The following GLS variants were observed in gnomAD, a reference collection of about 807,000 sequenced individuals.
GLS encodes the protein glutaminase kidney isoform, mitochondrial.
GLS carries 36 observed loss-of-function variants against 86.7 expected under a neutral mutation model. That is an observed-to-expected ratio of 0.42 (90% CI 0.32 to 0.55). The LOEUF is 0.55. GLS is among the 20% of genes least tolerant of loss of function. The probability of loss-of-function intolerance (pLI) is 0.17; values close to 1 mark genes in which losing one functional copy is unlikely to be tolerated. For synonymous variants in GLS, 317 were observed against 305.9 expected (o/e 1.04, Z -0.38); for missense variants, 528 against 833.4 (o/e 0.63, Z 4.51).
Position 190,954,637 on chromosome 2 carries a change from C to A in GLS, c.1766C>A (p.Ala589Glu). 1.2e-6 allele frequency: 2 copies of A among 1,612,452 alleles called. No individual in the cohort carries two copies. The highest frequency in any genetic ancestry group is 1.7e-6 in the Non-Finnish European group (2 of 1,178,514). Residue 589 changes from alanine (A) to glutamate (E), a missense_variant, in exon 16 of 18, where the codon GCA becomes GAA. Physicochemically the swap from Ala to Glu is moderately radical, Grantham distance 107 (BLOSUM62 -1). Transcript: ENST00000320717. The surrounding 1 kb of genome is among the most constrained non-coding windows in gnomAD (Gnocchi z 4.0). ...MEQRDYDSRTALHVAAAEGHV... is the reference protein window; with the variant it reads ...MEQRDYDSRTELHVAAAEGHV... ...CAGCGGGACTATGATTCTAGAACAG[C>A]ACTCCATGTAGCTGCTGCAGAGGGT...
At chr2:190,906,168 G>A (rs12998878) in intron 6 of GLS, among the ~76,000 whole-genome samples, 74,066 of 151,422 alleles carry the variant, frequency 0.49, 20,190 homozygotes, top group Non-Finnish European at 0.62. Flanking sequence ...GACATCATAT[G>A]CAGAAGCACT....
At chr2:190,904,140 G>A (rs1689048637) in intron 5 of GLS, among the ~76,000 whole-genome samples, 1 of 151,838 alleles carries the variant, frequency 6.6e-6, no homozygotes, top group Non-Finnish European at 1.5e-5. Context: ...TATAAAACTG[G>A]ATGCTTTTTT....
chr2:190,928,640 T>C (rs1301121439), intron 12 of GLS, among the ~76,000 whole-genome samples: 2 of 151,680 alleles, frequency 1.3e-5, no homozygotes, highest in African/African-American at 2.4e-5. Flanking sequence ...TGGCCTATTA[T>C]ATTATTTTAT....
intron 1 of GLS, among the ~76,000 whole-genome samples, chr2:190,889,301 C>A (rs140953182): frequency 6.6e-6 from 1 of 152,282 alleles, no homozygotes; most frequent in Admixed American, 6.5e-5. Context: ...TATAAGAGAT[C>A]TTACAAACCC....
At chr2:190,940,721 G>A (rs1690400413) in intron 14 of GLS, among the ~76,000 whole-genome samples, 1 of 146,938 alleles carries the variant, frequency 6.8e-6, no homozygotes, top group Non-Finnish European at 1.5e-5. Context: ...TTCAATCCCT[G>A]TTTTACTTAG....
intron 14 of GLS, among the ~76,000 whole-genome samples, chr2:190,945,515 A>G (rs1690555247): frequency 6.6e-6 from 1 of 151,926 alleles, no homozygotes; most frequent in South Asian, 2.1e-4. Context: ...TAACAAAGAA[A>G]TCATCCAGGT....
At chr2:190,884,261 T>A (rs1486791239) in intron 1 of GLS, among the ~76,000 whole-genome samples, 3 of 152,236 alleles carry the variant, frequency 2.0e-5, no homozygotes, top group Non-Finnish European at 4.4e-5. Flanking sequence ...TTGACTCTCA[T>A]CTTTGTGTAG....
intron 5 of GLS, among the ~76,000 whole-genome samples, chr2:190,903,412 A>T (rs1011431311): frequency 6.6e-6 from 1 of 152,184 alleles, no homozygotes; most frequent in Non-Finnish European, 1.5e-5. Context: ...AGTAAAATGT[A>T]CTGAGCAGTC....
intron 14 of GLS, among the ~76,000 whole-genome samples, chr2:190,945,688 T>G (rs529894890): frequency 6.6e-6 from 1 of 151,556 alleles, no homozygotes; most frequent in African/African-American, 2.4e-5. Flanking sequence ...AAAAAAAAAT[T>G]GAAAATTGTA....
At chr2:190,932,028 C>T (rs1045460477) in intron 14 of GLS, among the ~76,000 whole-genome samples, 1 of 151,858 alleles carries the variant, frequency 6.6e-6, no homozygotes, top group African/African-American at 2.4e-5. Flanking sequence ...AATATTTGTT[C>T]GTCCTAAATT....
At chr2:190,931,972 A>G (rs986120882) in intron 14 of GLS, among the ~76,000 whole-genome samples, 2 of 152,044 alleles carry the variant, frequency 1.3e-5, no homozygotes, top group African/African-American at 2.4e-5. Context: ...AAAGAACAAA[A>G]CAAAACATTG....
intron 1 of GLS, among the ~76,000 whole-genome samples, chr2:190,884,513 G>T (rs1403613631): frequency 6.6e-6 from 1 of 152,206 alleles, no homozygotes; most frequent in East Asian, 1.9e-4. Context: ...GTTTATGCCA[G>T]CACTTGCCCA....
At position 190,924,381 on chromosome 2, in the gene GLS, A is replaced by T. The variant is rs1273792968; in HGVS notation, c.1198-162A>T. 6.6e-6 allele frequency among the ~76,000 whole-genome samples: 1 copy of T among 152,108 alleles called. No homozygotes were observed. Among genetic ancestry groups the T allele is most frequent in the Non-Finnish European group, 1.5e-5 (1 of 68,028 alleles). The stretch of plus-strand genomic sequence containing the variant: ...TCTAGAAACTTACATGATGTGATAA[A>T]ATTTTGCTTTTTTATTTCATGTTTA... On this transcript the variant is annotated intron_variant, in intron 10 of 17. Coordinates refer to ENST00000320717, the MANE Select transcript of GLS (RefSeq NM_014905.5). The surrounding 1 kb of genome is among the most constrained non-coding windows in gnomAD (Gnocchi z 5.2).
In GLS at chr2:190,935,939, T is replaced by G. The variant is rs1411223820; in HGVS notation, c.1650+4302T>G. ...GTATTGTAGGTCAAATATAGTACTTTACATTTTTATGTTTAATTAAATCTG... is the reference window on the plus strand; with the variant it reads ...GTATTGTAGGTCAAATATAGTACTTGACATTTTTATGTTTAATTAAATCTG... On this transcript the variant is annotated intron_variant, in intron 14 of 17. Transcript: ENST00000320717. The surrounding 1 kb of genome is among the most constrained non-coding windows in gnomAD (Gnocchi z 4.2). 6.6e-6 allele frequency among the ~76,000 whole-genome samples: 1 copy of G among 151,234 alleles called. No homozygotes were observed. The highest frequency in any genetic ancestry group is 2.4e-5 in the African/African-American group (1 of 41,406).
intron 1 of GLS, among the ~76,000 whole-genome samples, chr2:190,889,784 C>G (rs1051055009): frequency 5.9e-5 from 9 of 152,084 alleles, no homozygotes; most frequent in African/African-American, 2.2e-4. Context: ...CTGACCATTT[C>G]CTCACATAAA....
At chr2:190,901,411 TGAA>T (rs1230200154) in intron 4 of GLS, among the ~76,000 whole-genome samples, 1 of 151,954 alleles carries the variant, frequency 6.6e-6, no homozygotes, top group Non-Finnish European at 1.5e-5. Context: ...ATGTTTAGAC[TGAA>T]GAAGAAGAGG....
In GLS at chr2:190,880,897, G is replaced by GCAC; in HGVS notation, c.-186_-185insCCA. 2.9e-6 allele frequency: 2 copies of GCAC among 690,886 alleles called. No individual in the cohort carries two copies. The highest frequency in any genetic ancestry group is 3.1e-5 in the South Asian group (2 of 65,340). 42.8% of individuals were successfully genotyped at this position (690,886 alleles called of 1,614,324 possible). ...CGCAGCAGCAGCAGCAGCAGCAGCA[G>GCAC]CAGCAGCAGCAGCAGCAGCAGCACC... is the stretch of plus-strand genomic sequence containing the variant. On this transcript the variant is annotated 5_prime_UTR_variant, in exon 1 of 18. Coordinates refer to ENST00000320717, the MANE Select transcript of GLS (RefSeq NM_014905.5).
rs3771311 is a variant in GLS, at chr2:190,905,887, T to G, written c.979+720T>G. ...CTGATTGATGAGTTAAGATATAGAA[T>G]TGAAGAAAGTGAGAGCGAAGTTTGT... On this transcript the variant is annotated intron_variant, in intron 6 of 17. Transcript: ENST00000320717. This position sits in a 1 kb window ranked among gnomAD's most constrained non-coding sequence, Gnocchi z 4.6. Among the ~76,000 whole-genome samples, 20,729 of 152,038 alleles carry G rather than the reference T, an allele frequency of 0.14. 1,907 individuals carry two copies. The highest frequency in any genetic ancestry group is 0.3 in the Admixed American group (4,632 of 15,264).
chr2:190,950,370 A>G lies in GLS; in HGVS notation c.1651-3195A>G, dbSNP rs766939899. Among the ~76,000 whole-genome samples, 24 of 152,174 alleles carry G rather than the reference A, an allele frequency of 1.6e-4. 1 individual carries two copies. The highest frequency in any genetic ancestry group is 8.8e-5 in the Non-Finnish European group (6 of 68,026). On this transcript the variant is annotated intron_variant, in intron 14 of 17. Coordinates refer to ENST00000320717, the MANE Select transcript of GLS (RefSeq NM_014905.5). ...TTTTAAAAGATCCCTATGGCAGCAG[A>G]GGTGATAAGGTGGTGGTTCAGATGA...
Sources: gnomAD v4.1 joint callset for allele counts (sites outside exome capture counted in the v4.1 genomes callset) on GRCh38, gnomAD v4.1.1 for gene constraint, Gnocchi (gnomAD v3.1) non-coding constraint, MANE v1.5 for transcripts, NCBI Gene and HGNC (gene_info 2026-07-23, HGNC 2026-07-21) for gene names.